The following TDRD12 variants were observed in gnomAD, a reference collection of about 807,000 sequenced individuals.
TDRD12 encodes the protein putative ATP-dependent RNA helicase TDRD12.
Under a neutral mutation model 133.5 loss-of-function variants are expected in TDRD12, and 158 were observed. The observed-to-expected ratio is 1.18, with a 90% confidence interval of 1.04 to 1.35. The LOEUF is 1.35. Ranked by LOEUF, TDRD12 falls within the 40% of genes most tolerant of loss-of-function variation. The pLI, the probability that TDRD12 is intolerant of heterozygous loss-of-function variation, is 0.00. For synonymous variants in TDRD12, 460 were observed against 477.9 expected, an observed-to-expected ratio of 0.96 and a Z score of 0.49; for missense variants, 1,443 against 1,321.3, an observed-to-expected ratio of 1.09 and a Z score of -1.43.
At chr19:32,729,796 T>C (rs1176744407) in intron 1 of TDRD12, among the ~76,000 whole-genome samples, 116 of 129,276 alleles carry the variant, frequency 9.0e-4, no homozygotes, top group African/African-American at 3.4e-3. Flanking sequence ...TTTTTTTTTT[T>C]TTTTTTTTTT....
chr19:32,789,496 C>T (rs1971005900), intron 11 of TDRD12, among the ~76,000 whole-genome samples: 1 of 152,180 alleles, frequency 6.6e-6, no homozygotes, highest in South Asian at 2.1e-4. Flanking sequence ...CTGTTCAGGA[C>T]ATTTCATATC....
chr19:32,796,850 A>G (rs1971242642), intron 14 of TDRD12, among the ~76,000 whole-genome samples: 2 of 152,090 alleles, frequency 1.3e-5, no homozygotes, highest in Admixed American at 1.3e-4. Flanking sequence ...TGTATGAATG[A>G]AAGAGGAGCC....
intron 1 of TDRD12, 51 bp from the exon 2 acceptor site, chr19:32,731,674 T>C: frequency 2.8e-6 from 4 of 1,425,420 alleles, no homozygotes; most frequent in Non-Finnish European, 2.8e-6. Flanking sequence ...TATTTTGTGG[T>C]ACTACTTTTA....
intron 3 of TDRD12, 136 bp downstream of exon 3, chr19:32,739,128 G>GTTTC (rs1359360371): frequency 1.2e-5 from 13 of 1,098,626 alleles, no homozygotes; most frequent in Non-Finnish European, 1.7e-5. Flanking sequence ...TTAGCTTCCA[G>GTTTC]AAGGGGTGCT....
chr19:32,799,569 A>T (rs988565292), intron 16 of TDRD12, among the ~76,000 whole-genome samples: 4 of 152,084 alleles, frequency 2.6e-5, no homozygotes, highest in African/African-American at 9.7e-5. Flanking sequence ...ATCTTCTGCT[A>T]ATCAGTTTTT....
chr19:32,720,246 C>T, intron 1 of TDRD12, 150 bp downstream of exon 1: 1 of 689,944 alleles, frequency 1.4e-6, no homozygotes, highest in Non-Finnish European at 2.4e-6. Flanking sequence ...GACCCCAACC[C>T]TACACAGCCC....
chr19:32,777,325 C>A, intron 11 of TDRD12, 96 bp downstream of exon 11: 2 of 809,710 alleles, frequency 2.5e-6, no homozygotes, highest in Non-Finnish European at 3.7e-6. Context: ...TAATTTCAAA[C>A]CTGCATTCCC....
intron 9 of TDRD12, 91 bp from the exon 10 acceptor site, chr19:32,773,364 GA>G: frequency 8.9e-7 from 1 of 1,118,892 alleles, no homozygotes; most frequent in South Asian, 1.4e-5. Flanking sequence ...GGTTGTTCAT[GA>G]GAATAACTCC....
chr19:32,779,720 G>A (rs944535488), intron 11 of TDRD12, among the ~76,000 whole-genome samples: 1 of 152,154 alleles, frequency 6.6e-6, no homozygotes, highest in African/African-American at 2.4e-5. Context: ...TATGCTAGGT[G>A]GTGGGTGAGT....
At position 32,815,391 on chromosome 19, in the gene TDRD12, C is replaced by T. The variant is rs80249954; in HGVS notation, c.3142-57C>T. 2.9e-3 allele frequency: 4,153 copies of T among 1,410,256 alleles called. 98 individuals carry two copies. In the African/African-American group the frequency reaches 0.053, roughly 18 times the overall value. 87.4% of individuals were successfully genotyped at this position (1,410,256 alleles called of 1,614,324 possible). On this transcript the variant is annotated intron_variant, in intron 25 of 27. Transcript: ENST00000444215. ...GAGAGGCCCTGTGGGAATGTCTATG[C>T]TTCAGTTAAAATTCAGAGTGATTAC...
exon 3 of TDRD12, chr19:32,738,932 A>G: frequency 6.4e-7 from 1 of 1,551,226 alleles, no homozygotes; most frequent in South Asian, 1.2e-5. Context: ...TCCGCAGACC[A>G]GTACCTGGCA....
chr19:32,756,940 G>A, intron 7 of TDRD12, 98 bp from the exon 8 acceptor site: 1 of 1,070,634 alleles, frequency 9.3e-7, no homozygotes, highest in South Asian at 1.4e-5. Context: ...TGTAACCTCA[G>A]AGCAAAAGCA....
intron 8 of TDRD12, among the ~76,000 whole-genome samples, chr19:32,769,242 C>G (rs747695904): frequency 3.9e-5 from 6 of 152,070 alleles, no homozygotes; most frequent in African/African-American, 1.2e-4. Context: ...CTACTTTTGG[C>G]TTTTACATTT....
intron 6 of TDRD12, among the ~76,000 whole-genome samples, chr19:32,752,075 A>T (rs1158569733): frequency 6.6e-6 from 1 of 151,728 alleles, no homozygotes; most frequent in Non-Finnish European, 1.5e-5. Context: ...GGTTTTACCA[A>T]GTTGGCCAAG....
chr19:32,752,500 G>C (rs1416359785), intron 6 of TDRD12, among the ~76,000 whole-genome samples: 1 of 151,692 alleles, frequency 6.6e-6, no homozygotes, highest in Non-Finnish European at 1.5e-5. Flanking sequence ...TTTTTAATTG[G>C]AATTTTATAC....
intron 2 of TDRD12, among the ~76,000 whole-genome samples, chr19:32,733,419 G>A (rs1244113158): frequency 1.3e-5 from 2 of 150,710 alleles, no homozygotes; most frequent in African/African-American, 2.4e-5. Context: ...TCAGTGAGCC[G>A]AGATCACGCC....
chr19:32,800,090 C>A, intron 16 of TDRD12, 77 bp from the exon 17 acceptor site: 1 of 867,244 alleles, frequency 1.2e-6, no homozygotes, highest in Non-Finnish European at 1.7e-6. Context: ...ATATACAAAC[C>A]CTTACATTTT....
At chr19:32,765,066 C>A (rs1337783055) in intron 8 of TDRD12, among the ~76,000 whole-genome samples, 3 of 152,170 alleles carry the variant, frequency 2.0e-5, no homozygotes, top group Non-Finnish European at 2.9e-5. Context: ...ACCCCATCAG[C>A]AAGTGGGCAA....
At chr19:32,795,513 A>G (rs1971200538) in intron 14 of TDRD12, among the ~76,000 whole-genome samples, 1 of 152,112 alleles carries the variant, frequency 6.6e-6, no homozygotes, top group South Asian at 2.1e-4. Context: ...TTTCCCACTG[A>G]CAGGGCTAGG....
Sources: gnomAD v4.1 joint callset for allele counts (sites outside exome capture counted in the v4.1 genomes callset) on GRCh38, gnomAD v4.1.1 for gene constraint, MANE v1.5 for transcripts, NCBI Gene and HGNC (gene_info 2026-07-23, HGNC 2026-07-21) for gene names.